CRYBG1: variants seen among roughly 807,000 people sequenced by gnomAD.
CRYBG1 encodes crystallin beta-gamma domain containing 1, also known as beta/gamma crystallin domain-containing protein 1.
A neutral mutation model predicts 189.2 loss-of-function variants in CRYBG1; 139 were observed. The observed-to-expected ratio is 0.73, with a 90% CI of 0.64 to 0.85. CRYBG1 has a LOEUF of 0.85. Among genes scored for constraint, CRYBG1 ranks in the 40% least tolerant of loss-of-function variants. The pLI is 0.00. For synonymous variants in CRYBG1, 1,023 were observed against 1,017.1 expected (o/e 1.01, Z -0.11); for missense variants, 2,611 against 2,675.8 (o/e 0.98, Z 0.53).
At chr6:106,433,571 TTATAG>T (rs1242117029) in intron 1 of CRYBG1, among the ~76,000 whole-genome samples, 1 of 151,764 alleles carries the variant, frequency 6.6e-6, no homozygotes, top group Non-Finnish European at 1.5e-5. Flanking sequence ...ACTGGAATTG[TTATAG>T]TATAGAGGAA....
At chr6:106,390,309 T>A (rs554212249) in intron 1 of CRYBG1, among the ~76,000 whole-genome samples, 12 of 152,202 alleles carry the variant, frequency 7.9e-5, no homozygotes, top group African/African-American at 2.6e-4. Context: ...TTACCATTGG[T>A]TCTTTGGCAC....
intron 2 of CRYBG1, among the ~76,000 whole-genome samples, chr6:106,490,356 AG>A (rs1030499155): frequency 6.6e-6 from 1 of 152,208 alleles, no homozygotes; most frequent in Non-Finnish European, 1.5e-5. Flanking sequence ...AGCTTAGTTT[AG>A]GGGGGAGCAG....
At chr6:106,531,102 G>A (rs932074552) in intron 8 of CRYBG1, among the ~76,000 whole-genome samples, 1 of 152,192 alleles carries the variant, frequency 6.6e-6, no homozygotes, top group Non-Finnish European at 1.5e-5. Context: ...AAAGTTTACA[G>A]CCTGTCCCTA....
At position 106,571,935 on chromosome 6, in the gene CRYBG1, A is replaced by AT; in HGVS notation, c.*3372dup. ...GTTTGAAAGGGATGGCTAGAAAAAA[A>AT]TTTGGGCTCACAGGCACTCACCAAA... On this transcript the variant is annotated 3_prime_UTR_variant, in exon 22 of 22. Transcript: ENST00000633556. The AT allele has an allele frequency of 8.6e-7, 1 of 1,166,088 alleles. No homozygotes were observed. The highest frequency in any genetic ancestry group is 2.3e-5 in the East Asian group (1 of 42,590). The allele number at this position is 1,166,088 out of a possible 1,614,324, so 72.2% of individuals were successfully genotyped here. A position where few individuals can be genotyped will look rare whatever the true frequency, so the allele number is the denominator to read the frequency against.
chr6:106,499,835 A>G (rs1353807516), intron 2 of CRYBG1, among the ~76,000 whole-genome samples: 1 of 152,120 alleles, frequency 6.6e-6, no homozygotes, highest in Admixed American at 6.5e-5. Context: ...CCCCCAACTC[A>G]CAGCCTCTGG....
intron 2 of CRYBG1, among the ~76,000 whole-genome samples, chr6:106,493,387 T>C (rs1772768184): frequency 6.6e-6 from 1 of 152,198 alleles, no homozygotes; most frequent in South Asian, 2.1e-4. Flanking sequence ...TTATGCACTG[T>C]TACTGGGAAT....
intron 1 of CRYBG1, among the ~76,000 whole-genome samples, chr6:106,445,666 A>G (rs1435461425): frequency 6.6e-6 from 1 of 152,236 alleles, no homozygotes; most frequent in African/African-American, 2.4e-5. Flanking sequence ...TTAACAATTT[A>G]TCACTCCCAT....
chr6:106,524,163 A>G (rs1209035971), intron 4 of CRYBG1, among the ~76,000 whole-genome samples: 2 of 152,190 alleles, frequency 1.3e-5, no homozygotes, highest in Non-Finnish European at 2.9e-5. Context: ...TACATGTATA[A>G]TTACTATTTT....
chr6:106,488,606 C>G (rs1035294380), intron 2 of CRYBG1, among the ~76,000 whole-genome samples: 24 of 152,114 alleles, frequency 1.6e-4, no homozygotes, highest in Non-Finnish European at 3.2e-4. Context: ...AGGCTATACG[C>G]AGCTCTCTCT....
intron 1 of CRYBG1, among the ~76,000 whole-genome samples, chr6:106,416,398 C>T (rs1007111238): frequency 4.6e-5 from 7 of 152,312 alleles, no homozygotes; most frequent in South Asian, 2.1e-4. Flanking sequence ...CTATCGGAGA[C>T]GGGAGACACC....
intron 1 of CRYBG1, among the ~76,000 whole-genome samples, chr6:106,374,464 G>A (rs753331403): frequency 4.6e-5 from 7 of 152,112 alleles, no homozygotes; most frequent in Non-Finnish European, 1.0e-4. Flanking sequence ...AGGCTGAGAT[G>A]GGAGGGTTGC....
intron 2 of CRYBG1, among the ~76,000 whole-genome samples, chr6:106,507,727 A>G (rs7752730): frequency 0.26 from 39,437 of 152,096 alleles, 5,953 homozygotes; most frequent in South Asian, 0.37. Flanking sequence ...GAAAGAAACA[A>G]TTCCTGGTTG....
At chr6:106,549,955 C>T (rs1227457064) in intron 13 of CRYBG1, among the ~76,000 whole-genome samples, 1 of 152,168 alleles carries the variant, frequency 6.6e-6, no homozygotes, top group African/African-American at 2.4e-5. Context: ...CTTTCCAGGG[C>T]ACATGGCAGG....
At chr6:106,464,637 T>C (rs1415204611) in intron 2 of CRYBG1, among the ~76,000 whole-genome samples, 3 of 152,248 alleles carry the variant, frequency 2.0e-5, no homozygotes, top group Non-Finnish European at 2.9e-5. Flanking sequence ...AATTAGGGAC[T>C]GTTCTGAGCA....
chr6:106,550,536 T>C (rs1216219407), intron 13 of CRYBG1, among the ~76,000 whole-genome samples: 1 of 141,276 alleles, frequency 7.1e-6, no homozygotes, highest in African/African-American at 2.6e-5. Context: ...GTAGATCACT[T>C]AAAAGAGAAA....
At chr6:106,513,375 A>G (rs141064612) in intron 3 of CRYBG1, among the ~76,000 whole-genome samples, 25 of 152,328 alleles carry the variant, frequency 1.6e-4, no homozygotes, top group African/African-American at 6.0e-4. Flanking sequence ...AAAATGTACA[A>G]GGGTGTTCCA....
In CRYBG1 at chr6:106,425,283, T is replaced by A. The variant is rs895436622; in HGVS notation, c.174-26411T>A. ...AGCTCTGTTGGAAGTGATTTCAGTATCCAAGTAGAGGACCCATCCTTGCAC... is the reference window on the plus strand; with the variant it reads ...AGCTCTGTTGGAAGTGATTTCAGTAACCAAGTAGAGGACCCATCCTTGCAC... On this transcript the variant is annotated intron_variant, in intron 1 of 21. Transcript: ENST00000633556. Among the ~76,000 whole-genome samples, 6 of 152,102 alleles carry A rather than the reference T, an allele frequency of 3.9e-5. No homozygotes were observed. The East Asian group carries it at 5.8e-4, about 15-fold the overall frequency.
intron 2 of CRYBG1, chr6:106,457,112 T>A (rs754844318): frequency 2.6e-5 from 4 of 152,166 alleles, no homozygotes; most frequent in Non-Finnish European, 5.9e-5. Context: ...AAATAATATC[T>A]AAAATGGGTT....
chr6:106,436,521 C>G (rs1221928644), intron 1 of CRYBG1, among the ~76,000 whole-genome samples: 1 of 152,110 alleles, frequency 6.6e-6, no homozygotes, highest in African/African-American at 2.4e-5. Context: ...GTCTCGATCT[C>G]CTGACCTCGT....
Sources: gnomAD v4.1 joint callset for allele counts (sites outside exome capture counted in the v4.1 genomes callset) on GRCh38, gnomAD v4.1.1 for gene constraint, MANE v1.5 for transcripts, NCBI Gene and HGNC (gene_info 2026-07-23, HGNC 2026-07-21) for gene names.